Variants in PCDH15 observed in about 807,000 individuals in gnomAD.
The protein encoded by PCDH15 is protocadherin related 15.
PCDH15 carries 129 observed loss-of-function variants against 178.5 expected under a neutral mutation model. The observed-to-expected ratio is 0.72, with a 90% CI of 0.63 to 0.84. The LOEUF is 0.84. Among genes scored for constraint, PCDH15 ranks in the 40% least tolerant of loss-of-function variants. The pLI, the probability that PCDH15 is intolerant of heterozygous loss-of-function variation, is 0.00. For synonymous variants in PCDH15, 800 were observed against 732.0 expected, an observed-to-expected ratio of 1.09 and a Z score of -1.50; for missense variants, 2,230 against 2,099.9, an observed-to-expected ratio of 1.06 and a Z score of -1.21.
At chr10:55,024,936 G>GT (rs918972534) in intron 2 of PCDH15, among the ~76,000 whole-genome samples, 207 of 151,810 alleles carry the variant, frequency 1.4e-3, no homozygotes, top group Admixed American at 0.011. Context: ...CAAAACCATG[G>GT]TTTTTTTTAA....
rs188592164 is a variant in PCDH15, at chr10:55,208,239, T to C, written c.-155-41588A>G. 2.4e-3 allele frequency among the ~76,000 whole-genome samples: 360 copies of C among 152,232 alleles called. 6 individuals carry two copies. Among genetic ancestry groups the C allele is most frequent in the African/African-American group, 8.3e-3 (343 of 41,496 alleles). On this transcript the variant is annotated intron_variant, in intron 1 of 5. Coordinates refer to the PCDH15 transcript ENST00000458638. ...TTGTTGCCCACTAAATAAATAAATATTGGAGATATTTCCATACAAGTGTTC... is the reference window on the plus strand; with the variant it reads ...TTGTTGCCCACTAAATAAATAAATACTGGAGATATTTCCATACAAGTGTTC...
chr10:55,465,541 A>G (rs1839814123), intron 2 of PCDH15, among the ~76,000 whole-genome samples: 2 of 152,126 alleles, frequency 1.3e-5, no homozygotes, highest in Admixed American at 1.3e-4. Context: ...TTCCCTTGTG[A>G]TTCTGATGTG....
At chr10:54,513,502 T>C (rs187697558) in intron 3 of PCDH15, among the ~76,000 whole-genome samples, 8 of 152,228 alleles carry the variant, frequency 5.3e-5, no homozygotes, top group Admixed American at 4.6e-4. Context: ...TATTGTTATA[T>C]TATTTTCTAT....
At chr10:55,312,332 T>C (rs1055466044) in intron 1 of PCDH15, among the ~76,000 whole-genome samples, 7 of 152,110 alleles carry the variant, frequency 4.6e-5, no homozygotes, top group African/African-American at 1.7e-4. Flanking sequence ...AACAAAAATA[T>C]TTTATTTAAA....
intron 2 of PCDH15, among the ~76,000 whole-genome samples, chr10:54,652,088 T>A (rs1450543210): frequency 6.6e-6 from 1 of 152,186 alleles, no homozygotes; most frequent in Admixed American, 6.6e-5. Flanking sequence ...AGGGAGTAAA[T>A]GTAGATAGAA....
intron 1 of PCDH15, among the ~76,000 whole-genome samples, chr10:55,214,424 A>T (rs1840648531): frequency 6.6e-6 from 1 of 151,934 alleles, no homozygotes; most frequent in South Asian, 2.1e-4. Context: ...TGTATATGGA[A>T]AATTATGTAT....
In PCDH15 at chr10:54,700,250, T is replaced by C. The variant is rs1000412407; in HGVS notation, c.-28-35960A>G. Among the ~76,000 whole-genome samples the C allele has an allele frequency of 5.3e-5, 8 of 152,202 alleles. No homozygotes were observed. In the East Asian group the frequency reaches 1.5e-3, roughly 29 times the overall value. The stretch of plus-strand genomic sequence containing the variant: ...AGCAACTTCCAAGATTGAAGGAACA[T>C]CTGCCCACACAGATTAGAATGTACC... On this transcript the variant is annotated intron_variant, in intron 1 of 37. Coordinates refer to ENST00000644397, the MANE Select transcript of PCDH15 (RefSeq NM_001384140.1).
At chr10:53,869,812 C>T (rs1477539596) in intron 26 of PCDH15, among the ~76,000 whole-genome samples, 1 of 152,064 alleles carries the variant, frequency 6.6e-6, no homozygotes, top group East Asian at 1.9e-4. Context: ...CCAGAATGCA[C>T]TTCATGCACT....
chr10:55,428,294 T>C (rs1838804256), intron 2 of PCDH15, among the ~76,000 whole-genome samples: 1 of 152,008 alleles, frequency 6.6e-6, no homozygotes, highest in Non-Finnish European at 1.5e-5. Flanking sequence ...TGTGTATTTA[T>C]CTATTTCTTC....
chr10:55,600,553 C>A lies in PCDH15; in HGVS notation c.-156+27072G>T, dbSNP rs76931113. On this transcript the variant is annotated intron_variant, in intron 2 of 5. Coordinates refer to the PCDH15 transcript ENST00000613346. Reference sequence around the variant, plus strand: ...TCCATATCAACAACAGGGTTTACGACCTTGATGTTGGATCGGGACATCCTA... The same window carrying A: ...TCCATATCAACAACAGGGTTTACGAACTTGATGTTGGATCGGGACATCCTA... Among the ~76,000 whole-genome samples the A allele has an allele frequency of 4.6e-3, 703 of 152,166 alleles. 6 individuals are homozygous for A. Among genetic ancestry groups the A allele is most frequent in the African/African-American group, 0.016 (670 of 41,528 alleles).
chr10:54,856,490 T>C (rs1481394889), intron 3 of PCDH15, among the ~76,000 whole-genome samples: 1 of 152,196 alleles, frequency 6.6e-6, no homozygotes, highest in Admixed American at 6.5e-5. Flanking sequence ...AATGAGCTTT[T>C]CATAGCTCCA....
At chr10:54,334,812 C>A (rs1051723530) in intron 6 of PCDH15, among the ~76,000 whole-genome samples, 2 of 152,008 alleles carry the variant, frequency 1.3e-5, no homozygotes, top group Non-Finnish European at 2.9e-5. Context: ...TAGATAATTA[C>A]GATTTTCTCT....
At chr10:54,689,593 A>G (rs947011121) in intron 1 of PCDH15, among the ~76,000 whole-genome samples, 4 of 152,218 alleles carry the variant, frequency 2.6e-5, no homozygotes, top group African/African-American at 9.6e-5. Context: ...TATTTGGCAT[A>G]TCTATGACAC....
intron 2 of PCDH15, among the ~76,000 whole-genome samples, chr10:55,336,236 C>T (rs1588926824): frequency 6.6e-6 from 1 of 151,546 alleles, no homozygotes; most frequent in Non-Finnish European, 1.5e-5. Flanking sequence ...GCAGTGGCTC[C>T]TGCCTGTAAT....
At position 55,305,451 on chromosome 10, in the gene PCDH15, C is replaced by T. The variant is rs935944119; in HGVS notation, c.-156+14148G>A. Reference sequence around the variant, plus strand: ...GAGGCAGAGTGGCATTGTCCTCATACCAAAGTGAAAGCCTGTAGCCAGCTG... The same window carrying T: ...GAGGCAGAGTGGCATTGTCCTCATATCAAAGTGAAAGCCTGTAGCCAGCTG... On this transcript the variant is annotated intron_variant, in intron 1 of 5. Coordinates refer to the PCDH15 transcript ENST00000458638. Among the ~76,000 whole-genome samples the T allele has an allele frequency of 3.3e-5, 5 of 152,292 alleles. No homozygotes were observed. The East Asian group carries it at 7.7e-4, about 24-fold the overall frequency.
chr10:55,462,727 C>T (rs2132094500), intron 2 of PCDH15, among the ~76,000 whole-genome samples: 1 of 152,156 alleles, frequency 6.6e-6, no homozygotes, highest in East Asian at 1.9e-4. Context: ...GTGATCAATA[C>T]AACAATATTT....
intron 5 of PCDH15, among the ~76,000 whole-genome samples, chr10:54,357,283 T>A (rs1945174916): frequency 1.3e-5 from 2 of 152,072 alleles, no homozygotes; most frequent in Non-Finnish European, 2.9e-5. Flanking sequence ...CAGCCCAAAA[T>A]CTCCTTAAGC....
intron 3 of PCDH15, among the ~76,000 whole-genome samples, chr10:54,498,090 T>C (rs916942282): frequency 6.6e-6 from 1 of 151,890 alleles, no homozygotes; most frequent in South Asian, 2.1e-4. Context: ...GGAACCCAAT[T>C]AGGCTAACAG....
At chr10:55,301,856 CAT>C (rs1843289763) in intron 1 of PCDH15, among the ~76,000 whole-genome samples, 1 of 152,152 alleles carries the variant, frequency 6.6e-6, no homozygotes, top group African/African-American at 2.4e-5. Context: ...ATCTTTCCTA[CAT>C]TGAATTGCTT....
Sources: allele counts gnomAD v4.1 joint callset (sites outside exome capture counted in the v4.1 genomes callset), GRCh38; gene constraint gnomAD v4.1.1; transcripts MANE v1.5; gene names NCBI Gene and HGNC (gene_info 2026-07-23, HGNC 2026-07-21).